Variants in KCNT2 observed in about 807,000 individuals in gnomAD.
The protein encoded by KCNT2 is potassium sodium-activated channel subfamily T member 2, also known as potassium channel subfamily T member 2.
In KCNT2, 67 loss-of-function variants were observed where a neutral mutation model predicts 153.8. The observed-to-expected ratio is 0.44, with a 90% CI of 0.36 to 0.53. KCNT2 has a LOEUF of 0.53. Ranked by LOEUF, KCNT2 falls within the 20% of genes least tolerant of loss-of-function variation. The probability of loss-of-function intolerance (pLI) is 0.00; values close to 1 mark genes in which losing one functional copy is unlikely to be tolerated. For synonymous variants in KCNT2, 500 were observed against 458.8 expected (o/e 1.09, Z -1.15); for missense variants, 975 against 1,354.8 (o/e 0.72, Z 4.40).
rs182872671 is a variant in KCNT2 at position 196,282,324 on chromosome 1, C to T, written c.2730G>A (p.Thr910=). 77 of 1,600,248 alleles carry T rather than the reference C, an allele frequency of 4.8e-5. No homozygotes were observed. In the East Asian group the frequency reaches 1.0e-3, roughly 21 times the overall value. The change falls in exon 24 of 28, where the codon ACG becomes ACA. Residue 910 remains threonine, a synonymous_variant. Coordinates refer to ENST00000294725, the MANE Select transcript of KCNT2 (RefSeq NM_198503.5). ...SFVKDYMISI[T]RLLLGLDTTP... ...TAGTGTCCAGTCCCAACAGAAGTCT[C>T]GTGATAGAAATCATATAATCCTTCA...
At chr1:196,540,735 C>CT (rs1656241987) in intron 1 of KCNT2, among the ~76,000 whole-genome samples, 1 of 152,156 alleles carries the variant, frequency 6.6e-6, no homozygotes, top group South Asian at 2.1e-4. Context: ...CTAATCCCCT[C>CT]TCTTTCTCAT....
At chr1:196,460,432 G>T (rs1363351323) in intron 8 of KCNT2, among the ~76,000 whole-genome samples, 2 of 151,546 alleles carry the variant, frequency 1.3e-5, no homozygotes, top group African/African-American at 4.8e-5. Flanking sequence ...TAAGGGTATT[G>T]TTATTCCAGA....
intron 16 of KCNT2, among the ~76,000 whole-genome samples, chr1:196,334,483 C>CTTTTTTTTTTTTTT (rs757677685): frequency 7.1e-5 from 3 of 42,364 alleles, no homozygotes; most frequent in Non-Finnish European, 1.2e-4. Flanking sequence ...TTCTTTCTTT[C>CTTTTTTTTTTTTTT]TTTCTTTTTT....
chr1:196,265,071 A>T (rs565640191), intron 25 of KCNT2, among the ~76,000 whole-genome samples: 1 of 152,130 alleles, frequency 6.6e-6, no homozygotes, highest in Non-Finnish European at 1.5e-5. Flanking sequence ...AGCCCTTTCA[A>T]TACCCTCTTA....
intron 26 of KCNT2, among the ~76,000 whole-genome samples, chr1:196,254,530 G>T (rs1220510278): frequency 6.6e-6 from 1 of 151,336 alleles, no homozygotes; most frequent in Non-Finnish European, 1.5e-5. Context: ...TCCCCAGTTG[G>T]TAATACGTTT....
chr1:196,608,078 C>G, intron 1 of KCNT2, 137 bp downstream of exon 1: 1 of 746,770 alleles, frequency 1.3e-6, no homozygotes, highest in Middle Eastern at 2.8e-4. Flanking sequence ...ATCAGAGTCT[C>G]TTTTACTCCC....
At chr1:196,587,642 T>C (rs1006668975) in intron 1 of KCNT2, among the ~76,000 whole-genome samples, 5 of 152,068 alleles carry the variant, frequency 3.3e-5, no homozygotes, top group Non-Finnish European at 5.9e-5. Context: ...CAATAATCTA[T>C]AGACATATTT....
At chr1:196,400,364 G>A (rs529986972) in intron 12 of KCNT2, among the ~76,000 whole-genome samples, 1 of 151,804 alleles carries the variant, frequency 6.6e-6, no homozygotes, top group South Asian at 2.1e-4. Flanking sequence ...TTAGTGTTGT[G>A]TTGAAGATAA....
At chr1:196,587,561 T>C (rs1662837568) in intron 1 of KCNT2, among the ~76,000 whole-genome samples, 1 of 152,086 alleles carries the variant, frequency 6.6e-6, no homozygotes, top group Admixed American at 6.6e-5. Flanking sequence ...GATAGCTGTG[T>C]ATCATGTCTT....
intron 8 of KCNT2, among the ~76,000 whole-genome samples, chr1:196,433,531 C>A (rs542258916): frequency 6.6e-6 from 1 of 152,000 alleles, no homozygotes; most frequent in East Asian, 1.9e-4. Context: ...ATGTATATAA[C>A]TTTGAATATA....
At chr1:196,332,940 A>C (rs1553287432) in intron 17 of KCNT2, among the ~76,000 whole-genome samples, 1 of 150,604 alleles carries the variant, frequency 6.6e-6, no homozygotes, top group Non-Finnish European at 1.5e-5. Flanking sequence ...GCGCACCACC[A>C]CTCCTAGCTA....
intron 14 of KCNT2, among the ~76,000 whole-genome samples, chr1:196,351,658 A>C (rs558718023): frequency 0.024 from 3,592 of 152,088 alleles, 149 homozygotes; most frequent in African/African-American, 0.082. Context: ...AAACAGGGAC[A>C]ATTTGACTTC....
intron 1 of KCNT2, among the ~76,000 whole-genome samples, chr1:196,537,638 T>C (rs934358825): frequency 6.6e-5 from 10 of 152,136 alleles, no homozygotes; most frequent in African/African-American, 2.4e-4. Flanking sequence ...CACATAGCCT[T>C]TGAGCTGAAG....
chr1:196,329,879 ATGTGTG>A (rs57881763), intron 18 of KCNT2, among the ~76,000 whole-genome samples: 13 of 124,796 alleles, frequency 1.0e-4, no homozygotes, highest in African/African-American at 2.9e-4. Context: ...ATACACTTAT[ATGTGTG>A]TGTGTGTGTG....
intron 25 of KCNT2, among the ~76,000 whole-genome samples, chr1:196,266,176 C>T (rs1320800967): frequency 6.6e-6 from 1 of 152,192 alleles, no homozygotes; most frequent in South Asian, 2.1e-4. Flanking sequence ...TGGTGTTGTG[C>T]CTCTACAACA....
At chr1:196,491,504 G>A (rs968584518) in intron 2 of KCNT2, among the ~76,000 whole-genome samples, 13 of 152,000 alleles carry the variant, frequency 8.6e-5, no homozygotes, top group African/African-American at 3.1e-4. Context: ...AACTAATGCA[G>A]GCCTCTCCAT....
chr1:196,432,542 AG>A (rs1308181174), intron 8 of KCNT2, among the ~76,000 whole-genome samples: 6 of 152,280 alleles, frequency 3.9e-5, no homozygotes, highest in African/African-American at 1.4e-4. Context: ...GGAGTCAAAA[AG>A]TATTCTCAAA....
intron 1 of KCNT2, among the ~76,000 whole-genome samples, chr1:196,583,012 T>C (rs1662250834): frequency 6.6e-6 from 1 of 151,878 alleles, no homozygotes; most frequent in Admixed American, 6.6e-5. Flanking sequence ...AAAAAATAGG[T>C]GAATATCATG....
At chr1:196,417,481 G>A (rs149417956) in intron 12 of KCNT2, among the ~76,000 whole-genome samples, 10 of 152,002 alleles carry the variant, frequency 6.6e-5, no homozygotes, top group African/African-American at 2.2e-4. Context: ...TTTCCACTCC[G>A]CAGAGGCAGT....
Sources: gnomAD v4.1 joint callset for allele counts (sites outside exome capture counted in the v4.1 genomes callset) on GRCh38, gnomAD v4.1.1 for gene constraint, MANE v1.5 for transcripts, NCBI Gene and HGNC (gene_info 2026-07-23, HGNC 2026-07-21) for gene names.